Variants in ATRNL1 observed in about 807,000 individuals in gnomAD.
ATRNL1 encodes attractin like 1.
In ATRNL1, 95 loss-of-function variants were observed where a neutral mutation model predicts 182.7. The ratio of observed to expected loss-of-function variants is 0.52; its 90% confidence interval spans 0.44 to 0.62. ATRNL1 has a LOEUF of 0.62. ATRNL1 is among the 20% of genes least tolerant of loss of function. The pLI is 0.00. For synonymous variants in ATRNL1, 576 were observed against 568.3 expected (o/e 1.01, Z -0.19); for missense variants, 1,471 against 1,679.5 (o/e 0.88, Z 2.17).
intron 1 of ATRNL1, among the ~76,000 whole-genome samples, chr10:115,112,117 G>A (rs1389361380): frequency 6.6e-6 from 1 of 152,018 alleles, no homozygotes; most frequent in Non-Finnish European, 1.5e-5. Context: ...AGATCTATAT[G>A]TAGAAAACTA....
At chr10:115,505,670 T>A (rs1461763789) in intron 24 of ATRNL1, among the ~76,000 whole-genome samples, 2 of 151,570 alleles carry the variant, frequency 1.3e-5, no homozygotes, top group African/African-American at 4.8e-5. Context: ...AGAATTCAGT[T>A]AACTGAGAAG....
chr10:115,598,634 A>G (rs1856417139), intron 26 of ATRNL1, among the ~76,000 whole-genome samples: 1 of 151,978 alleles, frequency 6.6e-6, no homozygotes, highest in African/African-American at 2.4e-5. Flanking sequence ...AGTAAAAATT[A>G]TTTTTAAAAT....
intron 10 of ATRNL1, among the ~76,000 whole-genome samples, chr10:115,259,699 G>A (rs569931871): frequency 3.0e-4 from 46 of 152,230 alleles, no homozygotes; most frequent in African/African-American, 9.9e-4. Flanking sequence ...CCTCTGCGTC[G>A]ATCACACTGG....
At chr10:115,672,476 G>A (rs556387967) in intron 26 of ATRNL1, among the ~76,000 whole-genome samples, 1 of 152,080 alleles carries the variant, frequency 6.6e-6, no homozygotes, top group East Asian at 1.9e-4. Context: ...TAGCGTTTTA[G>A]AACATAATAT....
chr10:115,581,906 C>A (rs552637677), intron 26 of ATRNL1, among the ~76,000 whole-genome samples: 3 of 125,510 alleles, frequency 2.4e-5, no homozygotes, highest in African/African-American at 9.0e-5. Context: ...CCCCCCACCC[C>A]ACAACAGGCC....
intron 28 of ATRNL1, among the ~76,000 whole-genome samples, chr10:115,887,199 C>G (rs1951966745): frequency 6.6e-6 from 1 of 152,140 alleles, no homozygotes; most frequent in South Asian, 2.1e-4. Context: ...AGAACTAGAC[C>G]TGGAGGTCGA....
chr10:115,563,915 A>G (rs181526667), intron 26 of ATRNL1, among the ~76,000 whole-genome samples: 8 of 152,160 alleles, frequency 5.3e-5, no homozygotes, highest in Admixed American at 1.3e-4. Flanking sequence ...TATAATTAGA[A>G]AAAAAGGCCT....
Position 115,191,239 on chromosome 10 carries a change from T to C in ATRNL1, c.1348+19947T>C, listed in dbSNP as rs140042347. Among the ~76,000 whole-genome samples the C allele has an allele frequency of 3.6e-3, 544 of 152,190 alleles. 2 individuals are homozygous for C. The highest frequency in any genetic ancestry group is 0.013 in the African/African-American group (525 of 41,552). On this transcript the variant is annotated intron_variant, in intron 8 of 28. Coordinates refer to ENST00000355044, the MANE Select transcript of ATRNL1 (RefSeq NM_207303.4). Reference sequence around the variant, plus strand: ...TTTCTTTTGGATATATGTCCAGCAGTGGTATTGCTGGATCATGTGGTAGTT... The same window carrying C: ...TTTCTTTTGGATATATGTCCAGCAGCGGTATTGCTGGATCATGTGGTAGTT...
chr10:115,608,537 G>T (rs1310784960), intron 26 of ATRNL1, among the ~76,000 whole-genome samples: 1 of 151,896 alleles, frequency 6.6e-6, no homozygotes, highest in Non-Finnish European at 1.5e-5. Flanking sequence ...TATCACAGTG[G>T]ATTCATTGTT....
intron 19 of ATRNL1, among the ~76,000 whole-genome samples, chr10:115,388,551 G>T (rs533332924): frequency 6.6e-6 from 1 of 151,890 alleles, no homozygotes; most frequent in Non-Finnish European, 1.5e-5. Flanking sequence ...CTACTTTAGC[G>T]CATGTAGTTG....
At chr10:115,227,458 T>C (rs1849747097) in intron 9 of ATRNL1, among the ~76,000 whole-genome samples, 3 of 152,110 alleles carry the variant, frequency 2.0e-5, no homozygotes, top group Admixed American at 2.0e-4. Flanking sequence ...TGCTTAGACA[T>C]TGTTGATGGG....
At chr10:115,431,522 A>G (rs1554963966) in intron 21 of ATRNL1, among the ~76,000 whole-genome samples, 2 of 152,104 alleles carry the variant, frequency 1.3e-5, no homozygotes, top group Non-Finnish European at 2.9e-5. Context: ...GCTTATTGCT[A>G]CAGTTCGCAT....
chr10:115,487,939 TG>T (rs1194430471), intron 24 of ATRNL1, among the ~76,000 whole-genome samples: 23 of 152,354 alleles, frequency 1.5e-4, no homozygotes, highest in Admixed American at 4.6e-4. Flanking sequence ...TATGAAAGGC[TG>T]TTGAATTTTG....
intron 26 of ATRNL1, among the ~76,000 whole-genome samples, chr10:115,651,177 G>A (rs1555034228): frequency 6.6e-6 from 1 of 152,108 alleles, no homozygotes; most frequent in African/African-American, 2.4e-5. Flanking sequence ...AAAAGAAAGT[G>A]TATGTTTGAA....
chr10:115,140,433 A>AACT (rs1264258237), intron 5 of ATRNL1, among the ~76,000 whole-genome samples: 3 of 152,220 alleles, frequency 2.0e-5, no homozygotes, highest in African/African-American at 4.8e-5. Context: ...TACTCAGAGA[A>AACT]ACTTTGTAAT....
At chr10:115,773,645 T>C (rs1949048502) in intron 27 of ATRNL1, among the ~76,000 whole-genome samples, 2 of 152,276 alleles carry the variant, frequency 1.3e-5, no homozygotes, top group South Asian at 4.2e-4. Context: ...TTAGAGCCCT[T>C]CTAAGACTGG....
At chr10:115,354,702 C>T (rs782625067) in intron 19 of ATRNL1, among the ~76,000 whole-genome samples, 7 of 152,002 alleles carry the variant, frequency 4.6e-5, no homozygotes, top group Non-Finnish European at 8.8e-5. Flanking sequence ...TGTTCTTTCA[C>T]CTTCTTTACC....
chr10:115,731,089 A>C (rs1296501026), intron 27 of ATRNL1, among the ~76,000 whole-genome samples: 1 of 152,126 alleles, frequency 6.6e-6, no homozygotes, highest in Non-Finnish European at 1.5e-5. Flanking sequence ...TTCCCAGCCC[A>C]CTGACTCAAA....
Position 115,160,123 on chromosome 10 carries a change from C to T in ATRNL1, c.913C>T (p.Arg305Trp), listed in dbSNP as rs1554882909. Residue 305 changes from arginine (R) to tryptophan (W), a missense_variant, in exon 6 of 29, where the codon CGG becomes TGG. Coordinates refer to ENST00000355044, the MANE Select transcript of ATRNL1 (RefSeq NM_207303.4). ...NVKPFSPSVGRASHKAVLHGK... is the reference protein window; with the variant it reads ...NVKPFSPSVGWASHKAVLHGK... ...TAAACCCTTCAGTCCTTCTGTAGGT[C>T]GGGCTTCACATAAAGCAGTTTTACA... 1.6e-5 allele frequency: 25 copies of T among 1,611,638 alleles called. No individual in the cohort carries two copies. The highest frequency in any genetic ancestry group is 8.8e-5 in the South Asian group (8 of 90,968).
Sources: gnomAD v4.1 joint callset for allele counts (sites outside exome capture counted in the v4.1 genomes callset) on GRCh38, gnomAD v4.1.1 for gene constraint, MANE v1.5 for transcripts, NCBI Gene and HGNC (gene_info 2026-07-23, HGNC 2026-07-21) for gene names.